APBB1IP: variants seen among roughly 807,000 people sequenced by gnomAD.
APBB1IP encodes the protein amyloid beta A4 precursor protein-binding family B member 1-interacting protein.
A neutral mutation model predicts 64.9 loss-of-function variants in APBB1IP; 27 were observed. The observed-to-expected ratio is 0.42, with a 90% confidence interval of 0.31 to 0.57. APBB1IP has a LOEUF of 0.57. APBB1IP is among the 20% of genes least tolerant of loss of function. The pLI is 0.20. For missense variants in APBB1IP, 812 were observed against 845.5 expected, an observed-to-expected ratio of 0.96 and a Z score of 0.49; for synonymous variants, 392 against 331.0, an observed-to-expected ratio of 1.18 and a Z score of -2.00.
chr10:26,496,286 G>C lies in APBB1IP; in HGVS notation c.73-18G>C, dbSNP rs1253697533. 6.3e-7 allele frequency: 1 copy of C among 1,579,908 alleles called. No individual in the cohort carries two copies. ...TTTGTATCATGAATAACTTTGATGGGGGGATCTTTTTTCACAGAGTTTAGG... is the reference window on the plus strand; with the variant it reads ...TTTGTATCATGAATAACTTTGATGGCGGGATCTTTTTTCACAGAGTTTAGG... On this transcript the variant is annotated intron_variant, in intron 3 of 14. Coordinates refer to ENST00000376236, the MANE Select transcript of APBB1IP (RefSeq NM_019043.4).
intron 2 of APBB1IP, among the ~76,000 whole-genome samples, chr10:26,439,396 C>A (rs1564344699): frequency 6.6e-6 from 1 of 152,144 alleles, no homozygotes. Context: ...TTAAAAATAA[C>A]TTTTTCCCCC....
intron 13 of APBB1IP, among the ~76,000 whole-genome samples, chr10:26,561,064 CTT>C (rs764573338): frequency 2.6e-4 from 18 of 69,210 alleles, no homozygotes; most frequent in African/African-American, 7.1e-4. Flanking sequence ...TTCTTTCTTT[CTT>C]TTTTTTTTTT....
chr10:26,512,359 TG>T (rs1279358552), intron 7 of APBB1IP, among the ~76,000 whole-genome samples: 1 of 152,122 alleles, frequency 6.6e-6, no homozygotes, highest in Non-Finnish European at 1.5e-5. Flanking sequence ...GCTGAGCAGG[TG>T]GCAGGAGAGC....
At chr10:26,497,550 C>CA (rs1163690127) in intron 4 of APBB1IP, among the ~76,000 whole-genome samples, 108 of 132,174 alleles carry the variant, frequency 8.2e-4, no homozygotes, top group African/African-American at 1.8e-3. Context: ...GACTCTGCCT[C>CA]AAAAAAAAAA....
chr10:26,457,470 A>G (rs1348992906), intron 2 of APBB1IP, among the ~76,000 whole-genome samples: 1 of 152,158 alleles, frequency 6.6e-6, no homozygotes, highest in Non-Finnish European at 1.5e-5. Context: ...CTTTACCCAG[A>G]CATCCAGTCG....
intron 2 of APBB1IP, among the ~76,000 whole-genome samples, chr10:26,474,368 C>T (rs1835753064): frequency 6.6e-6 from 1 of 152,200 alleles, no homozygotes; most frequent in South Asian, 2.1e-4. Context: ...CAAATATCCC[C>T]TCTGGGCTCC....
chr10:26,509,606 C>T (rs1836227099), intron 6 of APBB1IP: 1 of 152,170 alleles, frequency 6.6e-6, no homozygotes, highest in Admixed American at 6.5e-5. Flanking sequence ...GCCATACAAC[C>T]CTGGTTGTAC....
At chr10:26,543,894 C>T (rs1232111966) in intron 11 of APBB1IP, among the ~76,000 whole-genome samples, 1 of 152,180 alleles carries the variant, frequency 6.6e-6, no homozygotes, top group Admixed American at 6.5e-5. Flanking sequence ...CTGTTTGTTC[C>T]GAAGGAAGAG....
intron 11 of APBB1IP, among the ~76,000 whole-genome samples, chr10:26,558,724 C>T (rs1271824753): frequency 1.3e-5 from 2 of 151,952 alleles, no homozygotes; most frequent in African/African-American, 4.8e-5. Context: ...CTGCAGTGAG[C>T]CGTGATGGCA....
Position 26,567,302 on chromosome 10 carries a change from G to GCCT in APBB1IP, c.1817_1818insTCC (p.Pro606dup), listed in dbSNP as rs1837064819. ...AGCTGCCCCCGCCGCCGCCGCCGCC[G>GCCT]CCCGCGCCCGCGCCCGCCCCCGTCC... On this transcript the variant is annotated inframe_insertion, in exon 15 of 15. Transcript: ENST00000376236. 2.8e-6 allele frequency: 3 copies of GCCT among 1,072,496 alleles called. No individual in the cohort carries two copies. Among genetic ancestry groups the GCCT allele is most frequent in the African/African-American group, 3.6e-5 (2 of 56,168 alleles). The allele number at this position is 1,072,496 out of a possible 1,614,324, so 66.4% of individuals were successfully genotyped here. A position where few individuals can be genotyped will look rare whatever the true frequency, so the allele number is the denominator to read the frequency against.
At chr10:26,491,108 G>C (rs756518229) in intron 2 of APBB1IP, among the ~76,000 whole-genome samples, 3 of 151,924 alleles carry the variant, frequency 2.0e-5, no homozygotes, top group Non-Finnish European at 2.9e-5. Context: ...ATGAAACCTC[G>C]TCTCTACTAA....
chr10:26,444,496 G>A (rs1447310084), intron 2 of APBB1IP, among the ~76,000 whole-genome samples: 1 of 152,210 alleles, frequency 6.6e-6, no homozygotes, highest in African/African-American at 2.4e-5. Context: ...GGAGAGCCAA[G>A]ATTTCCCGAC....
At chr10:26,501,559 C>T (rs893283390) in intron 5 of APBB1IP, 1 of 196,800 alleles carries the variant, frequency 5.1e-6, no homozygotes, top group African/African-American at 2.3e-5. Flanking sequence ...AGGACAGGTA[C>T]ATCCAAGTAT....
intron 6 of APBB1IP, among the ~76,000 whole-genome samples, chr10:26,504,554 A>G (rs2132440143): frequency 6.6e-6 from 1 of 152,174 alleles, no homozygotes; most frequent in South Asian, 2.1e-4. Flanking sequence ...TACTAAAAGT[A>G]CAAAAATTAG....
chr10:26,523,010 CAAA>C (rs35641109), intron 8 of APBB1IP, among the ~76,000 whole-genome samples: 18 of 64,722 alleles, frequency 2.8e-4, no homozygotes, highest in Admixed American at 7.1e-4. Context: ...ACTCCATCTC[CAAA>C]AAAAAAAAAA....
chr10:26,466,630 G>A (rs981919678), intron 2 of APBB1IP, among the ~76,000 whole-genome samples: 2 of 152,002 alleles, frequency 1.3e-5, no homozygotes, highest in African/African-American at 2.4e-5. Flanking sequence ...GCAAGAACTC[G>A]GCCCCACAAA....
At chr10:26,560,425 A>T (rs1836952559) in intron 12 of APBB1IP, among the ~76,000 whole-genome samples, 1 of 152,186 alleles carries the variant, frequency 6.6e-6, no homozygotes, top group African/African-American at 2.4e-5. Context: ...TTGCAAGCTT[A>T]GTGTGCAATT....
chr10:26,560,462 C>A (rs142628465), intron 12 of APBB1IP, among the ~76,000 whole-genome samples: 1 of 152,050 alleles, frequency 6.6e-6, no homozygotes, highest in Admixed American at 6.6e-5. Context: ...AACCTGTGAT[C>A]GAGTTACATA....
chr10:26,524,941 CTCTT>C (rs926202767), intron 8 of APBB1IP, among the ~76,000 whole-genome samples: 4 of 98,022 alleles, frequency 4.1e-5, no homozygotes, highest in Non-Finnish European at 6.3e-5. Flanking sequence ...CTTTTTCTTT[CTCTT>C]TCTTTCTTTC....
Sources: gnomAD v4.1 joint callset for allele counts (sites outside exome capture counted in the v4.1 genomes callset) on GRCh38, gnomAD v4.1.1 for gene constraint, MANE v1.5 for transcripts, NCBI Gene and HGNC (gene_info 2026-07-23, HGNC 2026-07-21) for gene names.